PUM3: variants seen among roughly 807,000 people sequenced by gnomAD.
PUM3 encodes pumilio homolog 3.
PUM3 carries 91 observed loss-of-function variants against 84.0 expected under a neutral mutation model. The observed-to-expected ratio is 1.08, with a 90% CI of 0.91 to 1.29. PUM3 has a LOEUF of 1.29. Ranked by LOEUF, PUM3 falls within the 50% of genes most tolerant of loss-of-function variation. PUM3 has a pLI of 0.00. For missense variants in PUM3, 1,067 were observed against 767.5 expected, an observed-to-expected ratio of 1.39 and a Z score of -4.61; for synonymous variants, 321 against 266.7, an observed-to-expected ratio of 1.20 and a Z score of -1.98.
At position 2,837,201 on chromosome 9, in the gene PUM3, G is replaced by C. The variant is rs1169772675; in HGVS notation, c.283C>G (p.Gln95Glu). 3.1e-6 allele frequency: 5 copies of C among 1,613,876 alleles called. No individual in the cohort carries two copies. The highest frequency in any genetic ancestry group is 1.6e-4 in the Middle Eastern group (1 of 6,078). The change falls in exon 3 of 18, where the codon CAG (glutamine) becomes GAG (glutamate). Residue 95 changes from glutamine (Q) to glutamate (E), a missense_variant. Transcript: ENST00000397885. Reference protein sequence around the residue: ...ANKFNKKRKFQPDGRSDESAA... With the variant: ...ANKFNKKRKFEPDGRSDESAA... ...TTACCATCGCTTCTACCATCTGGCT[G>C]GAATTTTCTCTTCTTGTTGAATTTA...
intron 17 of PUM3, among the ~76,000 whole-genome samples, chr9:2,804,765 T>C (rs904733600): frequency 1.3e-5 from 2 of 152,210 alleles, no homozygotes; most frequent in African/African-American, 4.8e-5. Context: ...CATCCTGTCT[T>C]AAAATGATTC....
At chr9:2,839,257 T>G (rs1816207517) in intron 1 of PUM3, among the ~76,000 whole-genome samples, 1 of 152,168 alleles carries the variant, frequency 6.6e-6, no homozygotes, top group African/African-American at 2.4e-5. Flanking sequence ...AAAAAGCCAT[T>G]TGGCTCATTT....
At position 2,812,305 on chromosome 9, in the gene PUM3, A is replaced by T; in HGVS notation, c.1327T>A (p.Leu443Met). The stretch of plus-strand genomic sequence containing the variant: ...GGATCTCTGGGGCTTAGTAAGTACA[A>T]TAGGACCTTCCTTCCATATTTGTCA... ...VNDKYGRKVL[L>M]YLLSPRDPAH... is the part of the protein sequence containing the mutation. The change falls in exon 14 of 18, where the codon TTG becomes ATG. Residue 443 changes from leucine to methionine, a missense_variant. Leu to Met is a conservative substitution (Grantham distance 15). Coordinates refer to ENST00000397885, the MANE Select transcript of PUM3 (RefSeq NM_014878.5). 6.2e-7 allele frequency: 1 copy of T among 1,603,182 alleles called. No homozygotes were observed. Among genetic ancestry groups the T allele is most frequent in the Non-Finnish European group, 8.5e-7 (1 of 1,170,080 alleles).
chr9:2,823,492 C>T (rs945416099), intron 12 of PUM3, among the ~76,000 whole-genome samples: 2 of 151,862 alleles, frequency 1.3e-5, no homozygotes, highest in Non-Finnish European at 2.9e-5. Context: ...CATGACTGGA[C>T]AAATTCACCA....
At chr9:2,827,372 A>T (rs903564522) in intron 9 of PUM3, among the ~76,000 whole-genome samples, 3 of 152,244 alleles carry the variant, frequency 2.0e-5, no homozygotes, top group Non-Finnish European at 4.4e-5. Flanking sequence ...AGACCAGAGT[A>T]TAAACTTCTA....
At chr9:2,818,185 A>G (rs1469612977) in intron 13 of PUM3, among the ~76,000 whole-genome samples, 1 of 152,356 alleles carries the variant, frequency 6.6e-6, no homozygotes, top group Non-Finnish European at 1.5e-5. Context: ...TCCAAGGGCA[A>G]TTAGCATTCC....
intron 15 of PUM3, among the ~76,000 whole-genome samples, chr9:2,810,901 T>C (rs1191593720): frequency 6.6e-6 from 1 of 152,200 alleles, no homozygotes; most frequent in Non-Finnish European, 1.5e-5. Context: ...CAGCTCAACC[T>C]TACTCCTCTT....
intron 10 of PUM3, among the ~76,000 whole-genome samples, chr9:2,826,409 T>C (rs73639496): frequency 0.038 from 5,733 of 152,232 alleles, 392 homozygotes; most frequent in African/African-American, 0.13. Context: ...GGAAATTATT[T>C]TGCATGCCAA....
chr9:2,817,422 G>C (rs77646255), intron 13 of PUM3, among the ~76,000 whole-genome samples: 7 of 152,132 alleles, frequency 4.6e-5, no homozygotes, highest in East Asian at 1.9e-4. Context: ...TACATGATAG[G>C]ACCATATATA....
At position 2,809,993 on chromosome 9, in the gene PUM3, C is replaced by T. The variant is rs530167048; in HGVS notation, c.1723+351G>A. On this transcript the variant is annotated intron_variant, in intron 16 of 17. Coordinates refer to ENST00000397885, the MANE Select transcript of PUM3 (RefSeq NM_014878.5). ...GGTAATGATACTCAACAATTGGGGCCCCCTACCCCCTCTCACCATCCTCAT... is the reference window on the plus strand; with the variant it reads ...GGTAATGATACTCAACAATTGGGGCTCCCTACCCCCTCTCACCATCCTCAT... Among the ~76,000 whole-genome samples the T allele has an allele frequency of 8.3e-4, 126 of 151,858 alleles. No individual in the cohort carries two copies. The South Asian group carries it at 8.5e-3, about 10-fold the overall frequency.
intron 10 of PUM3, among the ~76,000 whole-genome samples, chr9:2,826,172 C>T (rs866340343): frequency 3.2e-4 from 49 of 151,904 alleles, no homozygotes; most frequent in Middle Eastern, 3.2e-3. Context: ...TTACTTTACA[C>T]GCATGCTAAG....
chr9:2,840,102 A>AT (rs1427550397), intron 1 of PUM3, among the ~76,000 whole-genome samples: 4 of 152,132 alleles, frequency 2.6e-5, no homozygotes, highest in Non-Finnish European at 5.9e-5. Flanking sequence ...AAGGCTACAC[A>AT]TTTTTTGGAA....
At chr9:2,829,672 G>C (rs1815918692) in intron 8 of PUM3, 102 bp downstream of exon 8, 2 of 978,660 alleles carry the variant, frequency 2.0e-6, no homozygotes, top group Admixed American at 2.4e-5. Context: ...TAAAGAACCA[G>C]CCACAGTAAA....
chr9:2,829,451 C>G lies in PUM3; in HGVS notation c.852+323G>C, dbSNP rs564343362. 3.9e-5 allele frequency among the ~76,000 whole-genome samples: 6 copies of G among 152,312 alleles called. No homozygotes were observed. The South Asian group carries it at 1.2e-3, about 32-fold the overall frequency. On this transcript the variant is annotated intron_variant, in intron 8 of 17. Coordinates refer to ENST00000397885, the MANE Select transcript of PUM3 (RefSeq NM_014878.5). Reference sequence around the variant, plus strand: ...TCAGCCAGAGCTGGTTGGGGGTGGTCACACAACTTTGCTAACTATTGGGAG... The same window carrying G: ...TCAGCCAGAGCTGGTTGGGGGTGGTGACACAACTTTGCTAACTATTGGGAG...
chr9:2,812,302 A>G lies in PUM3; in HGVS notation c.1330T>C (p.Tyr444His). The change falls in exon 14 of 18, where the codon TAC becomes CAC. Residue 444 changes from tyrosine (Y) to histidine (H), a missense_variant. Transcript: ENST00000397885. Reference protein sequence around the residue: ...NDKYGRKVLLYLLSPRDPAHT... With the variant: ...NDKYGRKVLLHLLSPRDPAHT... ...GCAGGATCTCTGGGGCTTAGTAAGT[A>G]CAATAGGACCTTCCTTCCATATTTG... is the stretch of plus-strand genomic sequence containing the variant. The G allele has an allele frequency of 6.2e-7, 1 of 1,604,000 alleles. No homozygotes were observed. Among genetic ancestry groups the G allele is most frequent in the South Asian group, 1.1e-5 (1 of 90,884 alleles).
At chr9:2,828,202 T>C (rs1215684783) in intron 9 of PUM3, among the ~76,000 whole-genome samples, 1 of 152,152 alleles carries the variant, frequency 6.6e-6, no homozygotes. Context: ...CCATAAAGCC[T>C]GGCTAATTTT....
chr9:2,833,073 C>G (rs1054768245), intron 5 of PUM3, among the ~76,000 whole-genome samples: 4 of 152,150 alleles, frequency 2.6e-5, no homozygotes, highest in Non-Finnish European at 5.9e-5. Context: ...TAAAATACTA[C>G]TGAACTAATA....
intron 15 of PUM3, 87 bp from the exon 16 acceptor site, chr9:2,810,518 A>G: frequency 2.2e-6 from 2 of 899,694 alleles, no homozygotes; most frequent in South Asian, 3.3e-5. Flanking sequence ...TTATGCCACC[A>G]CATACAGATA....
At chr9:2,835,911 T>C (rs74860525) in intron 3 of PUM3, among the ~76,000 whole-genome samples, 2,136 of 152,320 alleles carry the variant, frequency 0.014, 42 homozygotes, top group African/African-American at 0.049. Flanking sequence ...GAAATTAATG[T>C]ATATGTGTTT....
Sources: gnomAD v4.1 joint callset for allele counts (sites outside exome capture counted in the v4.1 genomes callset) on GRCh38, gnomAD v4.1.1 for gene constraint, MANE v1.5 for transcripts, NCBI Gene and HGNC (gene_info 2026-07-23, HGNC 2026-07-21) for gene names.